The following PRKCE variants were observed in gnomAD, a reference collection of about 807,000 sequenced individuals.
The protein encoded by PRKCE is protein kinase C epsilon.
In PRKCE, 16 loss-of-function variants were observed where a neutral mutation model predicts 85.4. The ratio of observed to expected loss-of-function variants is 0.19; its 90% confidence interval spans 0.13 to 0.28. PRKCE has a LOEUF of 0.28. PRKCE is among the 10% of genes least tolerant of loss of function. PRKCE has a pLI of 1.00. For missense variants in PRKCE, 573 were observed against 975.2 expected (o/e 0.59, Z 5.49); for synonymous variants, 388 against 371.5 (o/e 1.04, Z -0.51).
At chr2:45,851,765 G>A (rs1692280247) in intron 2 of PRKCE, 1 of 152,234 alleles carries the variant, frequency 6.6e-6, no homozygotes, top group Admixed American at 6.5e-5. Flanking sequence ...TGAATCCACA[G>A]ACCACGTCTA....
chr2:45,864,180 A>C (rs1693396899), intron 2 of PRKCE, among the ~76,000 whole-genome samples: 1 of 152,180 alleles, frequency 6.6e-6, no homozygotes. Flanking sequence ...TGCTCCCCAC[A>C]GCAGAATGGA....
At chr2:45,682,070 A>C (rs1401293023) in intron 1 of PRKCE, among the ~76,000 whole-genome samples, 2 of 152,246 alleles carry the variant, frequency 1.3e-5, no homozygotes, top group Non-Finnish European at 2.9e-5. Flanking sequence ...AGCTTATTAA[A>C]ATATAAGTGT....
chr2:46,074,428 C>CCAAAAAAAAAAAAAAAAAAAAAAAAA (rs1558423487), intron 10 of PRKCE, among the ~76,000 whole-genome samples: 2 of 26,698 alleles, frequency 7.5e-5, no homozygotes, highest in East Asian at 1.7e-3. Context: ...ACAACAACAA[C>CCAAAAAAAAAAAAAAAAAAAAAAAAA]CAAAAAAAAA....
In PRKCE at chr2:46,114,056, T is replaced by C. The variant is rs143935121; in HGVS notation, c.1592+27694T>C. Among the ~76,000 whole-genome samples, 209 of 152,226 alleles carry C rather than the reference T, an allele frequency of 1.4e-3. 2 individuals are homozygous for C. The highest frequency in any genetic ancestry group is 4.6e-3 in the African/African-American group (192 of 41,534). On this transcript the variant is annotated intron_variant, in intron 11 of 14. Transcript: ENST00000306156. ...AAGGAAACACTGCCTCTCTCTTCAC[T>C]CCCCAGACACATTTTTAATGTCTGA...
intron 1 of PRKCE, among the ~76,000 whole-genome samples, chr2:45,831,934 A>T (rs2105402362): frequency 6.6e-6 from 1 of 152,338 alleles, no homozygotes; most frequent in East Asian, 1.9e-4. Flanking sequence ...TTTGATAAGC[A>T]AAAGAAAAGA....
rs1352442521 is a variant in PRKCE at position 45,881,139 on chromosome 2, C to G, written c.412+38076C>G. Among the ~76,000 whole-genome samples the G allele has an allele frequency of 2.3e-5, 3 of 127,866 alleles. No individual in the cohort carries two copies. The East Asian group carries it at 6.7e-4, about 28-fold the overall frequency. The allele number at this position is 127,866 out of a possible 152,430, so 83.9% of individuals were successfully genotyped here. On this transcript the variant is annotated intron_variant, in intron 2 of 14. Coordinates refer to ENST00000306156, the MANE Select transcript of PRKCE (RefSeq NM_005400.3). ...CTGCACTCCAGCCTGGGCGACAGAG[C>G]GAGACTCCGTCTCAAAAAAAAAAAA...
rs10495930 is a variant in PRKCE, at chr2:46,145,536, A to G, written c.1731+305A>G. Among the ~76,000 whole-genome samples, 23,846 of 152,164 alleles carry G rather than the reference A, an allele frequency of 0.16. 2,013 individuals are homozygous for G. Among genetic ancestry groups the G allele is most frequent in the Middle Eastern group, 0.27 (80 of 294 alleles). On this transcript the variant is annotated intron_variant, in intron 12 of 14. Transcript: ENST00000306156. This position sits in a 1 kb window ranked among gnomAD's most constrained non-coding sequence, Gnocchi z 4.6. ...AACCACCAATAAATCTAGGACCAAG[A>G]AAAACGTGTTGACTTTTATTATTGT...
At chr2:46,150,735 C>T (rs1477032462) in intron 12 of PRKCE, among the ~76,000 whole-genome samples, 1 of 152,156 alleles carries the variant, frequency 6.6e-6, no homozygotes, top group Non-Finnish European at 1.5e-5. Flanking sequence ...TCAAAATATG[C>T]AGTTTTTTAA....
intron 10 of PRKCE, among the ~76,000 whole-genome samples, chr2:46,043,974 G>T (rs1708368820): frequency 6.6e-6 from 1 of 152,192 alleles, no homozygotes; most frequent in Non-Finnish European, 1.5e-5. Flanking sequence ...CCACTGGCTG[G>T]GGTGTCCTGA....
At chr2:45,825,358 A>C (rs6747706) in intron 1 of PRKCE, among the ~76,000 whole-genome samples, 19,524 of 152,244 alleles carry the variant, frequency 0.13, 2,283 homozygotes, top group African/African-American at 0.3. Flanking sequence ...ATCTTGACAG[A>C]ATTTCGGAGC....
chr2:45,836,948 G>C (rs1034310824), intron 1 of PRKCE, among the ~76,000 whole-genome samples: 4 of 152,222 alleles, frequency 2.6e-5, no homozygotes, highest in African/African-American at 9.7e-5. Context: ...AATTGGGCCT[G>C]TGTGACCTTT....
At chr2:45,932,924 A>C (rs1699150147) in intron 2 of PRKCE, among the ~76,000 whole-genome samples, 1 of 152,220 alleles carries the variant, frequency 6.6e-6, no homozygotes, top group Non-Finnish European at 1.5e-5. Context: ...CAATGTCTTC[A>C]AGGCTCATCC....
At chr2:46,003,244 C>T (rs2595221) in intron 7 of PRKCE, among the ~76,000 whole-genome samples, 22,252 of 152,174 alleles carry the variant, frequency 0.15, 2,306 homozygotes, top group East Asian at 0.33. Flanking sequence ...TGGTAGCCCT[C>T]GTGTTGCCCC....
At chr2:45,871,665 C>G (rs1694097211) in intron 2 of PRKCE, among the ~76,000 whole-genome samples, 1 of 152,144 alleles carries the variant, frequency 6.6e-6, no homozygotes, top group Non-Finnish European at 1.5e-5. Flanking sequence ...CAAACCCCAT[C>G]CTGAGGGTAT....
At chr2:46,130,355 C>T (rs946666997) in intron 11 of PRKCE, among the ~76,000 whole-genome samples, 2 of 151,480 alleles carry the variant, frequency 1.3e-5, no homozygotes, top group Non-Finnish European at 2.9e-5. Flanking sequence ...CTTTATCATA[C>T]ATACTTTGTT....
chr2:46,040,328 G>A (rs1441523186), intron 10 of PRKCE, among the ~76,000 whole-genome samples: 1 of 152,202 alleles, frequency 6.6e-6, no homozygotes, highest in Non-Finnish European at 1.5e-5. Flanking sequence ...TGTGAAGGGT[G>A]AACAGCAATT....
intron 2 of PRKCE, among the ~76,000 whole-genome samples, chr2:45,935,681 A>G (rs1699391856): frequency 6.6e-6 from 1 of 151,750 alleles, no homozygotes; most frequent in African/African-American, 2.4e-5. Context: ...GCTATTCAGG[A>G]TGCTGAGGCA....
chr2:45,782,965 T>A (rs954817497), intron 1 of PRKCE, among the ~76,000 whole-genome samples: 1 of 152,166 alleles, frequency 6.6e-6, no homozygotes, highest in South Asian at 2.1e-4. Context: ...TTCCTCTATA[T>A]TATTTCATTA....
chr2:46,007,824 G>A (rs1051357102), intron 9 of PRKCE, among the ~76,000 whole-genome samples, 163 bp downstream of exon 9: 12 of 152,172 alleles, frequency 7.9e-5, no homozygotes, highest in South Asian at 2.1e-4. Flanking sequence ...AGATAGGAGC[G>A]CTGGTTCTGC....
Sources: allele counts gnomAD v4.1 joint callset (sites outside exome capture counted in the v4.1 genomes callset), GRCh38; gene constraint gnomAD v4.1.1; non-coding constraint Gnocchi (gnomAD v3.1); transcripts MANE v1.5; gene names NCBI Gene and HGNC (gene_info 2026-07-23, HGNC 2026-07-21).